The following RFTN1 variants were observed in gnomAD, a reference collection of about 807,000 sequenced individuals.
RFTN1 encodes the protein raftlin.
RFTN1 carries 26 observed loss-of-function variants against 46.5 expected under a neutral mutation model. The observed-to-expected ratio is 0.56, with a 90% CI of 0.41 to 0.78. The LOEUF (loss-of-function observed/expected upper bound fraction) is 0.78. Among genes scored for constraint, RFTN1 ranks in the 30% least tolerant of loss-of-function variants. RFTN1 has a pLI of 0.00. For missense variants in RFTN1, 693 were observed against 718.7 expected (o/e 0.96, Z 0.41); for synonymous variants, 261 against 284.2 (o/e 0.92, Z 0.82).
chr3:16,393,357 A>T (rs866430136), intron 4 of RFTN1, among the ~76,000 whole-genome samples: 6 of 152,334 alleles, frequency 3.9e-5, no homozygotes, highest in South Asian at 4.1e-4. Flanking sequence ...GAGTGGGACC[A>T]ATATTCACTA....
At position 16,458,926 on chromosome 3, in the gene RFTN1, C is replaced by A. The variant is rs1319992441; in HGVS notation, c.146-24889G>T. Among the ~76,000 whole-genome samples, 1 of 152,138 alleles carries A rather than the reference C, an allele frequency of 6.6e-6. No individual in the cohort carries two copies. The highest frequency in any genetic ancestry group is 1.5e-5 in the Non-Finnish European group (1 of 68,016). ...CCCTAAAAGTTACAACCCAGGGCTA[C>A]TGGGTTTTCCTTTCTTTTCTTTTCC... On this transcript the variant is annotated intron_variant, in intron 2 of 9. Coordinates refer to ENST00000334133, the MANE Select transcript of RFTN1 (RefSeq NM_015150.2). The surrounding 1 kb of genome is among the most constrained non-coding windows in gnomAD (Gnocchi z 5.1).
intron 1 of RFTN1, among the ~76,000 whole-genome samples, chr3:16,503,217 T>G (rs958351027): frequency 1.3e-5 from 2 of 152,208 alleles, no homozygotes; most frequent in Non-Finnish European, 2.9e-5. Context: ...CAGAACCTGC[T>G]ACTCAACATG....
intron 4 of RFTN1, among the ~76,000 whole-genome samples, chr3:16,403,995 ATATATTTTATATATATAT>A (rs2074724739): frequency 1.6e-4 from 1 of 6,394 alleles, no homozygotes; most frequent in East Asian, 0.021. Flanking sequence ...AATATATAAT[ATATATTTTATATATATAT>A]TATATTTTAT....
chr3:16,327,183 G>A lies in RFTN1; in HGVS notation c.1147-307C>T, dbSNP rs973356131. ...ATAGCCTCCTGTGAGTTTCACTGAC[G>A]AAGCATAACTGTCTCACCTCTGAGC... On this transcript the variant is annotated intron_variant, in intron 7 of 9. Transcript: ENST00000334133. This position sits in a 1 kb window ranked among gnomAD's most constrained non-coding sequence, Gnocchi z 4.2. Among the ~76,000 whole-genome samples, 14 of 152,178 alleles carry A rather than the reference G, an allele frequency of 9.2e-5. No homozygotes were observed. Among genetic ancestry groups the A allele is most frequent in the African/African-American group, 3.1e-4 (13 of 41,444 alleles).
chr3:16,385,845 T>C lies in RFTN1; in HGVS notation c.442-7743A>G, dbSNP rs932699842. On this transcript the variant is annotated intron_variant, in intron 4 of 9. Transcript: ENST00000334133. The surrounding 1 kb of genome is among the most constrained non-coding windows in gnomAD (Gnocchi z 5.0). ...TTCAACATATGTGTGGTTGTCTGCA[T>C]TCAGAACAGGATTCTGGAGCAAAGA... Among the ~76,000 whole-genome samples, 9 of 152,130 alleles carry C rather than the reference T, an allele frequency of 5.9e-5. No individual in the cohort carries two copies. The highest frequency in any genetic ancestry group is 3.9e-4 in the Admixed American group (6 of 15,272).
At chr3:16,328,455 G>T (rs1363230044) in intron 7 of RFTN1, among the ~76,000 whole-genome samples, 4 of 152,222 alleles carry the variant, frequency 2.6e-5, no homozygotes, top group Non-Finnish European at 5.9e-5. Flanking sequence ...CAACCTACCT[G>T]CCCTGTCTCT....
chr3:16,493,786 C>T lies in RFTN1; in HGVS notation c.84G>A (p.Val28=), dbSNP rs780309269. ...CATAGGACACATCTATCTTGGTTTCCACCTGAGGCCTCTTCAAAGTTGAAT... is the reference window on the plus strand; with the variant it reads ...CATAGGACACATCTATCTTGGTTTCTACCTGAGGCCTCTTCAAAGTTGAAT... ...NIYSTLKRPQ[V]ETKIDVSYEY... is the part of the protein sequence containing the mutation. Residue 28 remains valine (V), a synonymous_variant, in exon 2 of 10, where the codon GTG becomes GTA. Coordinates refer to ENST00000334133, the MANE Select transcript of RFTN1 (RefSeq NM_015150.2). 24 of 1,613,990 alleles carry T rather than the reference C, an allele frequency of 1.5e-5. No individual in the cohort carries two copies. The highest frequency in any genetic ancestry group is 1.9e-5 in the Non-Finnish European group (23 of 1,180,032).
At position 16,499,225 on chromosome 3, in the gene RFTN1, A is replaced by T. The variant is rs11715123; in HGVS notation, c.-8-5348T>A. 0.088 allele frequency among the ~76,000 whole-genome samples: 13,404 copies of T among 152,216 alleles called. 685 individuals carry two copies. The highest frequency in any genetic ancestry group is 0.14 in the Middle Eastern group (40 of 294). On this transcript the variant is annotated intron_variant, in intron 1 of 9. Coordinates refer to ENST00000334133, the MANE Select transcript of RFTN1 (RefSeq NM_015150.2). This position sits in a 1 kb window ranked among gnomAD's most constrained non-coding sequence, Gnocchi z 4.9. Reference sequence around the variant, plus strand: ...TTAAATGTGGCTCCAAAATCCACTGACATTCCTCCTATTGAGCCTATTGAG... The same window carrying T: ...TTAAATGTGGCTCCAAAATCCACTGTCATTCCTCCTATTGAGCCTATTGAG...
chr3:16,355,722 C>A (rs891387955), intron 7 of RFTN1, among the ~76,000 whole-genome samples: 1 of 152,240 alleles, frequency 6.6e-6, no homozygotes, highest in Non-Finnish European at 1.5e-5. Context: ...CAGGCCCCAC[C>A]CCCGGAGGGT....
rs557350070 is a variant in RFTN1 at position 16,418,672 on chromosome 3, A to C, written c.333-9189T>G. ...CAAGCTCAAATAGAATAATCAGAAC[A>C]GCTTATTTTTTTTTTTTTAAAGAAG... On this transcript the variant is annotated intron_variant, in intron 3 of 9. Transcript: ENST00000334133. The surrounding 1 kb of genome is among the most constrained non-coding windows in gnomAD (Gnocchi z 5.0). 7.4e-6 allele frequency among the ~76,000 whole-genome samples: 1 copy of C among 135,940 alleles called. No individual in the cohort carries two copies. Among genetic ancestry groups the C allele is most frequent in the Non-Finnish European group, 1.6e-5 (1 of 61,740 alleles). 89.2% of individuals were successfully genotyped at this position (135,940 alleles called of 152,430 possible).
chr3:16,368,002 A>AC (rs2073303102), intron 6 of RFTN1, among the ~76,000 whole-genome samples: 1 of 152,076 alleles, frequency 6.6e-6, no homozygotes, highest in African/African-American at 2.4e-5. Flanking sequence ...TCAACAACTA[A>AC]CCATCAGTTT....
rs562519114 is a variant in RFTN1 at position 16,407,733 on chromosome 3, C to T, written c.441+1642G>A. Among the ~76,000 whole-genome samples the T allele has an allele frequency of 1.1e-4, 16 of 152,242 alleles. No homozygotes were observed. The highest frequency in any genetic ancestry group is 7.7e-4 in the East Asian group (4 of 5,190). On this transcript the variant is annotated intron_variant, in intron 4 of 9. Transcript: ENST00000334133. The surrounding 1 kb of genome is among the most constrained non-coding windows in gnomAD (Gnocchi z 4.0). ...CTCTATTTCTATAGAAAGCTACATG[C>T]GTTATTAAAACACTTGTGTTCTCAG...
chr3:16,497,428 T>C (rs2076643666), intron 1 of RFTN1, among the ~76,000 whole-genome samples: 2 of 152,256 alleles, frequency 1.3e-5, no homozygotes, highest in Admixed American at 1.3e-4. Flanking sequence ...TACAGAGTTC[T>C]GAGAAGGCGA....
At chr3:16,324,650 G>GTGTC (rs1314082054) in intron 8 of RFTN1, among the ~76,000 whole-genome samples, 4 of 94,498 alleles carry the variant, frequency 4.2e-5, no homozygotes, top group African/African-American at 1.6e-4. Context: ...ATTCCATTGT[G>GTGTC]TGTGTGTGTG....
At chr3:16,497,709 T>G (rs1277058753) in intron 1 of RFTN1, among the ~76,000 whole-genome samples, 1 of 152,228 alleles carries the variant, frequency 6.6e-6, no homozygotes, top group African/African-American at 2.4e-5. Context: ...AATTCTCATA[T>G]TAGAGGTTCA....
intron 2 of RFTN1, among the ~76,000 whole-genome samples, chr3:16,487,344 T>C (rs1249248754): frequency 6.6e-6 from 1 of 152,216 alleles, no homozygotes; most frequent in Non-Finnish European, 1.5e-5. Context: ...AATGGTACAT[T>C]GTTATGACTT....
At chr3:16,403,666 G>GTATATAATATATAATATA (rs2074674862) in intron 4 of RFTN1, among the ~76,000 whole-genome samples, 1 of 16,306 alleles carries the variant, frequency 6.1e-5, no homozygotes, top group Non-Finnish European at 1.0e-4. Context: ...TATATTTTAT[G>GTATATAATATATAATATA]TATATAATAT....
At position 16,374,094 on chromosome 3, in the gene RFTN1, G is replaced by C. The variant is rs539574516; in HGVS notation, c.826+3624C>G. On this transcript the variant is annotated intron_variant, in intron 5 of 9. Coordinates refer to ENST00000334133, the MANE Select transcript of RFTN1 (RefSeq NM_015150.2). This position sits in a 1 kb window ranked among gnomAD's most constrained non-coding sequence, Gnocchi z 5.4. ...AGCATGACAGCAGCCACAGGCATGTGTCCCATATTTACAAGGGCCTTTCAC... is the reference window on the plus strand; with the variant it reads ...AGCATGACAGCAGCCACAGGCATGTCTCCCATATTTACAAGGGCCTTTCAC... 5.3e-5 allele frequency among the ~76,000 whole-genome samples: 8 copies of C among 152,302 alleles called. No individual in the cohort carries two copies. Among genetic ancestry groups the C allele is most frequent in the Non-Finnish European group, 1.2e-4 (8 of 68,020 alleles).
rs2069838482 is a variant in RFTN1 at position 16,327,584 on chromosome 3, C to T, written c.1147-708G>A. 6.6e-6 allele frequency among the ~76,000 whole-genome samples: 1 copy of T among 151,948 alleles called. No homozygotes were observed. Among genetic ancestry groups the T allele is most frequent in the African/African-American group, 2.4e-5 (1 of 41,346 alleles). On this transcript the variant is annotated intron_variant, in intron 7 of 9. Transcript: ENST00000334133. The surrounding 1 kb of genome is among the most constrained non-coding windows in gnomAD (Gnocchi z 4.2). ...ACCATCCTGGCTAACACAGTGAAACCCCGTCTCTACTAAAAATACAAAAAA... is the reference window on the plus strand; with the variant it reads ...ACCATCCTGGCTAACACAGTGAAACTCCGTCTCTACTAAAAATACAAAAAA...
Sources: allele counts gnomAD v4.1 joint callset (sites outside exome capture counted in the v4.1 genomes callset), GRCh38; gene constraint gnomAD v4.1.1; non-coding constraint Gnocchi (gnomAD v3.1); transcripts MANE v1.5; gene names NCBI Gene and HGNC (gene_info 2026-07-23, HGNC 2026-07-21).